The following CACNA1I variants were observed in gnomAD, a reference collection of about 807,000 sequenced individuals.
The protein encoded by CACNA1I is voltage-dependent T-type calcium channel subunit alpha-1I.
CACNA1I carries 74 observed loss-of-function variants against 201.6 expected under a neutral mutation model. The ratio of observed to expected loss-of-function variants is 0.37; its 90% CI spans 0.30 to 0.45. The LOEUF is 0.45. Among genes scored for constraint, CACNA1I ranks in the 20% least tolerant of loss-of-function variants. The pLI, the probability that CACNA1I is intolerant of heterozygous loss-of-function variation, is 1.00. For missense variants in CACNA1I, 2,346 were observed against 3,138.1 expected (o/e 0.75, Z 6.03); for synonymous variants, 1,431 against 1,345.2 (o/e 1.06, Z -1.40).
intron 20 of CACNA1I, 48 bp downstream of exon 20, chr22:39,664,207 C>T (rs753263089): frequency 1.3e-6 from 2 of 1,506,796 alleles, no homozygotes; most frequent in Non-Finnish European, 1.8e-6. Context: ...AGCTCGGGCC[C>T]CTGGCCCTGG....
At chr22:39,605,081 C>A (rs1569058499) in intron 3 of CACNA1I, among the ~76,000 whole-genome samples, 1 of 146,440 alleles carries the variant, frequency 6.8e-6, no homozygotes, top group Non-Finnish European at 1.5e-5. Context: ...AAGACCCATC[C>A]CCAGAGCTGC....
chr22:39,647,227 T>C (rs892717167), intron 8 of CACNA1I, among the ~76,000 whole-genome samples: 1 of 152,194 alleles, frequency 6.6e-6, no homozygotes, highest in East Asian at 1.9e-4. Context: ...GCTAAAATTC[T>C]TCCCCCCCAC....
intron 1 of CACNA1I, among the ~76,000 whole-genome samples, chr22:39,583,214 A>G (rs1029780318): frequency 3.4e-5 from 5 of 147,630 alleles, no homozygotes; most frequent in Non-Finnish European, 6.0e-5. Context: ...CCATCCATCC[A>G]TCCAACAATC....
intron 3 of CACNA1I, 106 bp from the exon 4 acceptor site, chr22:39,619,204 C>T: frequency 1.2e-6 from 1 of 834,368 alleles, no homozygotes; most frequent in East Asian, 2.4e-5. Context: ...TCTTTACTTG[C>T]CCTGTCCAGG....
In CACNA1I at chr22:39,649,644, G is replaced by A. The variant is rs762867080; in HGVS notation, c.1711G>A (p.Asp571Asn). The A allele has an allele frequency of 3.5e-5, 53 of 1,521,664 alleles. No homozygotes were observed. The East Asian group carries it at 8.7e-4, about 25-fold the overall frequency. 94.3% of individuals were successfully genotyped at this position (1,521,664 alleles called of 1,614,324 possible). Residue 571 changes from aspartate (D) to asparagine (N), a missense_variant, in exon 10 of 37, where the codon GAC becomes AAC. Asp to Asn is a conservative substitution (Grantham distance 23). Transcript: ENST00000402142. The surrounding 1 kb of genome is among the most constrained non-coding windows in gnomAD (Gnocchi z 7.3). ...GCGGCCCTCGGGCCTGGGCAGCACC[G>A]ACTCGGGCCAGGAGGGCTCGGGCTC... Reference protein sequence around the residue: ...GRRPSGLGSTDSGQEGSGSGS... With the variant: ...GRRPSGLGSTNSGQEGSGSGS...
In CACNA1I at chr22:39,657,155, C is replaced by T. The variant is rs142942958; in HGVS notation, c.1993-997C>T. Among the ~76,000 whole-genome samples, 13 of 152,364 alleles carry T rather than the reference C, an allele frequency of 8.5e-5. No individual in the cohort carries two copies. The East Asian group carries it at 2.3e-3, about 27-fold the overall frequency. On this transcript the variant is annotated intron_variant, in intron 10 of 36. Coordinates refer to ENST00000402142, the MANE Select transcript of CACNA1I (RefSeq NM_021096.4). ...CGGACCCCTCCAACTTCCCCCACTG[C>T]CCCCAGTCGTGGCCTCTAGTGTGGC...
intron 8 of CACNA1I, 132 bp downstream of exon 8, chr22:39,647,013 G>A (rs1934513854): frequency 7.4e-7 from 1 of 1,351,810 alleles, no homozygotes; most frequent in Non-Finnish European, 9.7e-7. Context: ...TTCCTTCACA[G>A]CCCCCAGGGA....
chr22:39,625,816 T>A (rs1933884019), intron 4 of CACNA1I, among the ~76,000 whole-genome samples: 1 of 151,712 alleles, frequency 6.6e-6, no homozygotes, highest in Non-Finnish European at 1.5e-5. Context: ...GGGGCTGAAT[T>A]ATCTCTAAAT....
Position 39,662,221 on chromosome 22 carries a change from A to G in CACNA1I, c.3158A>G (p.His1053Arg), listed in dbSNP as rs1935043658. The G allele has an allele frequency of 3.9e-6, 6 of 1,526,938 alleles. No individual in the cohort carries two copies. The highest frequency in any genetic ancestry group is 5.3e-6 in the Non-Finnish European group (6 of 1,141,316). The allele number at this position is 1,526,938 out of a possible 1,614,324, so 94.6% of individuals were successfully genotyped here. A position where few individuals can be genotyped will look rare whatever the true frequency, so the allele number is the denominator to read the frequency against. Residue 1053 changes from histidine (H) to arginine (R), a missense_variant, in exon 17 of 37, where the codon CAC (histidine) becomes CGC (arginine). By Grantham distance (29) the His-to-Arg change is conservative. Around this residue, in one of 13 missense-constraint regions of CACNA1I, gnomAD observed 288 missense variants for 255.2 expected, o/e 1.13. Transcript: ENST00000402142. The part of the protein sequence containing the change: ...GPHLAHRHRH[H>R]RRTLSLDNRD... ...CATCTGGCGCACCGCCACCGCCACCACCGCCGGACGCTGTCCCTCGACAAC... is the reference window on the plus strand; with the variant it reads ...CATCTGGCGCACCGCCACCGCCACCGCCGCCGGACGCTGTCCCTCGACAAC...
At position 39,687,148 on chromosome 22, in the gene CACNA1I, G is replaced by T. The variant is rs1265051213; in HGVS notation, c.*743G>T. On this transcript the variant is annotated 3_prime_UTR_variant, in exon 37 of 37. Coordinates refer to ENST00000402142, the MANE Select transcript of CACNA1I (RefSeq NM_021096.4). ...AGTAGCTGTGTTTCCTTAGGCCTGGGGTAGGGGATGGAGAGCAGCTCCAAG... is the reference window on the plus strand; with the variant it reads ...AGTAGCTGTGTTTCCTTAGGCCTGGTGTAGGGGATGGAGAGCAGCTCCAAG... The T allele has an allele frequency of 6.6e-6, 1 of 152,214 alleles. No homozygotes were observed. Among genetic ancestry groups the T allele is most frequent in the African/African-American group, 2.4e-5 (1 of 41,414 alleles). The allele number at this position is 152,214 out of a possible 1,614,324, so 9.4% of individuals were successfully genotyped here. A position where few individuals can be genotyped will look rare whatever the true frequency, so the allele number is the denominator to read the frequency against.
Position 39,679,098 on chromosome 22 carries a change from GC to G in CACNA1I, c.5056-7del. 1 of 1,573,768 alleles carries G rather than the reference GC, an allele frequency of 6.4e-7. No homozygotes were observed. The highest frequency in any genetic ancestry group is 1.2e-5 in the South Asian group (1 of 85,000). The stretch of plus-strand genomic sequence containing the variant: ...CGTCCTCATCCTCACCGCCCTCCCT[GC>G]CACGCAGGACACGCTGCGGGACTGC... On this transcript the variant is annotated splice_region_variant and splice_polypyrimidine_tract_variant and intron_variant, in intron 31 of 36. Transcript: ENST00000402142.
intron 1 of CACNA1I, among the ~76,000 whole-genome samples, chr22:39,594,352 G>A (rs1932855167): frequency 6.6e-6 from 1 of 152,150 alleles, no homozygotes; most frequent in Non-Finnish European, 1.5e-5. Flanking sequence ...GAAGGAGAGA[G>A]CGCACGACAG....
intron 25 of CACNA1I, 95 bp downstream of exon 25, chr22:39,670,325 G>A (rs1410072659): frequency 7.7e-7 from 1 of 1,300,302 alleles, no homozygotes; most frequent in African/African-American, 1.5e-5. Context: ...AGCTGGAAGG[G>A]AACAAAAGAT....
chr22:39,663,883 A>C (rs989467205), intron 19 of CACNA1I, 42 bp downstream of exon 19: 2 of 1,610,746 alleles, frequency 1.2e-6, no homozygotes, highest in Non-Finnish European at 1.7e-6. Context: ...CGCCAGGCCA[A>C]GGGACAGCTC....
intron 4 of CACNA1I, among the ~76,000 whole-genome samples, chr22:39,632,823 C>T (rs528038123): frequency 2.0e-5 from 3 of 151,638 alleles, no homozygotes; most frequent in South Asian, 2.1e-4. Context: ...TTCTCCCTTC[C>T]CTCTGCTGTA....
chr22:39,598,073 C>T (rs1045353850), intron 1 of CACNA1I, 78 bp from the exon 2 acceptor site: 4 of 771,888 alleles, frequency 5.2e-6, no homozygotes, highest in African/African-American at 1.7e-5. Flanking sequence ...TGGTGGGTTG[C>T]GGGTATTACA....
rs1473050645 is a variant in CACNA1I at position 39,629,237 on chromosome 22, C to A, written c.581-5328C>A. Among the ~76,000 whole-genome samples, 1 of 152,150 alleles carries A rather than the reference C, an allele frequency of 6.6e-6. No individual in the cohort carries two copies. Reference sequence around the variant, plus strand: ...TGACGCTCCCGGGCCAGACTGTTCTCCCCTGAACTCCAGACCCCAAGATCT... The same window carrying A: ...TGACGCTCCCGGGCCAGACTGTTCTACCCTGAACTCCAGACCCCAAGATCT... On this transcript the variant is annotated intron_variant, in intron 4 of 36. Transcript: ENST00000402142. This position sits in a 1 kb window ranked among gnomAD's most constrained non-coding sequence, Gnocchi z 4.8.
chr22:39,645,022 T>G (rs1264589834), intron 7 of CACNA1I, among the ~76,000 whole-genome samples: 1 of 151,890 alleles, frequency 6.6e-6, no homozygotes, highest in Admixed American at 6.6e-5. Context: ...GTCTTGCTCT[T>G]GTTGCCCAGC....
chr22:39,658,063 G>A (rs1447132295), intron 10 of CACNA1I, 89 bp from the exon 11 acceptor site: 20 of 1,411,592 alleles, frequency 1.4e-5, no homozygotes, highest in Middle Eastern at 2.4e-4. Context: ...ACCTGCCAGG[G>A]TCACACAGCC....
Sources: allele counts gnomAD v4.1 joint callset (sites outside exome capture counted in the v4.1 genomes callset), GRCh38; gene constraint gnomAD v4.1.1; regional missense constraint gnomAD v4.1.1; non-coding constraint Gnocchi (gnomAD v3.1); transcripts MANE v1.5; gene names NCBI Gene and HGNC (gene_info 2026-07-23, HGNC 2026-07-21).